VPS8: variants seen among roughly 807,000 people sequenced by gnomAD.
VPS8 encodes the protein VPS8 subunit of CORVET complex, also known as vacuolar protein sorting-associated protein 8 homolog.
VPS8 carries 129 observed loss-of-function variants against 216.4 expected under a neutral mutation model. The ratio of observed to expected loss-of-function variants is 0.60; its 90% CI spans 0.52 to 0.69. VPS8 has a LOEUF of 0.69. Ranked by LOEUF, VPS8 falls within the 30% of genes least tolerant of loss-of-function variation. The pLI is 0.00. For synonymous variants in VPS8, 571 were observed against 565.4 expected (o/e 1.01, Z -0.14); for missense variants, 1,531 against 1,683.5 (o/e 0.91, Z 1.59).
Position 185,049,204 on chromosome 3 carries a change from C to T in VPS8, c.4137+645C>T, listed in dbSNP as rs149675429. ...TTTTATTCCAAAAGACCTTGGGCTA[C>T]AATTCTTGGTCTAATCTAACTGTGG... On this transcript the variant is annotated intron_variant, in intron 47 of 47. Transcript: ENST00000625842. 2.0e-3 allele frequency among the ~76,000 whole-genome samples: 304 copies of T among 152,292 alleles called. 1 individual carries two copies. Among genetic ancestry groups the T allele is most frequent in the African/African-American group, 6.6e-3 (274 of 41,564 alleles).
At position 184,886,114 on chromosome 3, in the gene VPS8, T is replaced by C. The variant is rs768511756; in HGVS notation, c.1739T>C (p.Met580Thr). The change falls in exon 22 of 48, where the codon ATG becomes ACG. Residue 580 changes from methionine to threonine, a missense_variant. This residue lies in a region of VPS8 where 1,318 missense variants were observed against 1,468.4 expected (regional missense o/e 0.90). Transcript: ENST00000625842. ...TTCTTTATGGTTCCTCTACAGGATA[T>C]GGTGCCTGTCATAGTTGATTACTGC... ...IQVMEQHFQD[M>T]VPVIVDYCLL... 1.2e-5 allele frequency: 20 copies of C among 1,609,272 alleles called. No individual in the cohort carries two copies. The highest frequency in any genetic ancestry group is 5.0e-5 in the Admixed American group (3 of 59,442).
At chr3:184,922,107 A>G (rs1310323018) in intron 29 of VPS8, among the ~76,000 whole-genome samples, 1 of 152,152 alleles carries the variant, frequency 6.6e-6, no homozygotes, top group Non-Finnish European at 1.5e-5. Context: ...TGGTGTGTTC[A>G]TAGTTTATGT....
intron 36 of VPS8, among the ~76,000 whole-genome samples, chr3:184,950,918 T>C (rs1192813002): frequency 6.6e-6 from 1 of 152,220 alleles, no homozygotes; most frequent in Non-Finnish European, 1.5e-5. Context: ...TATGGCTGCA[T>C]AGTATTGCAT....
chr3:184,965,199 A>T (rs774211334), intron 38 of VPS8, among the ~76,000 whole-genome samples: 1 of 152,088 alleles, frequency 6.6e-6, no homozygotes, highest in Non-Finnish European at 1.5e-5. Context: ...TAGATTAGGG[A>T]TATCATATTT....
chr3:184,894,507 C>CGT (rs57309344), intron 22 of VPS8, among the ~76,000 whole-genome samples, 196 bp from the exon 23 acceptor site: 20,123 of 91,160 alleles, frequency 0.22, 1,400 homozygotes, highest in African/African-American at 0.27. Flanking sequence ...TATATACACA[C>CGT]GTATATATAT....
At chr3:184,831,703 C>G (rs566869139) in intron 3 of VPS8, among the ~76,000 whole-genome samples, 1 of 152,184 alleles carries the variant, frequency 6.6e-6, no homozygotes, top group East Asian at 1.9e-4. Flanking sequence ...CGTACTCCTA[C>G]TCAACCCCCC....
chr3:184,964,471 A>T lies in VPS8; in HGVS notation c.3187A>T (p.Thr1063Ser). 6.7e-7 allele frequency: 1 copy of T among 1,493,580 alleles called. No homozygotes were observed. Among genetic ancestry groups the T allele is most frequent in the Non-Finnish European group, 9.0e-7 (1 of 1,112,496 alleles). 92.5% of individuals were successfully genotyped at this position (1,493,580 alleles called of 1,614,324 possible). A position where few individuals can be genotyped will look rare whatever the true frequency, so the allele number is the denominator to read the frequency against. The part of the protein sequence containing the change: ...CYRLEETIQI[T>S]QKYQLHEVTA... Reference sequence around the variant, plus strand: ...ATTTATCTTTTTTATTTCCTAGATTACTCAGAAGTATCAACTTCATGAAGT... The same window carrying T: ...ATTTATCTTTTTTATTTCCTAGATTTCTCAGAAGTATCAACTTCATGAAGT... The change falls in exon 38 of 48, where the codon ACT becomes TCT. Residue 1063 changes from threonine to serine, a missense_variant. Coordinates refer to ENST00000625842, the MANE Select transcript of VPS8 (RefSeq NM_001009921.3).
chr3:184,818,789 A>C (rs139956000), intron 1 of VPS8, among the ~76,000 whole-genome samples: 2 of 152,270 alleles, frequency 1.3e-5, no homozygotes, highest in African/African-American at 4.8e-5. Context: ...ATCTCATATG[A>C]CACTTTTAGG....
At chr3:184,848,752 A>G (rs1278444529) in intron 8 of VPS8, among the ~76,000 whole-genome samples, 1 of 151,676 alleles carries the variant, frequency 6.6e-6, no homozygotes, top group Non-Finnish European at 1.5e-5. Flanking sequence ...TATTTTTAGT[A>G]GAGTCGGGGT....
At chr3:185,004,906 TTTTA>T (rs139983815) in intron 45 of VPS8, among the ~76,000 whole-genome samples, 31 of 151,044 alleles carry the variant, frequency 2.1e-4, no homozygotes, top group African/African-American at 7.0e-4. Context: ...TTGTTTTGTT[TTTTA>T]TTTATTTATT....
intron 29 of VPS8, among the ~76,000 whole-genome samples, chr3:184,923,282 TTC>T (rs1417839061): frequency 6.6e-6 from 1 of 152,136 alleles, no homozygotes; most frequent in Admixed American, 6.6e-5. Context: ...CACTTCTGCA[TTC>T]TCTCTGTTAA....
Position 184,936,351 on chromosome 3 carries a change from A to G in VPS8, c.2988+16A>G, listed in dbSNP as rs779893960. ...AAAACTTCAGGTACATATTGCAAAT[A>G]TATATTGGGGAAAAATATCTAGTGG... On this transcript the variant is annotated intron_variant, in intron 35 of 47. Coordinates refer to ENST00000625842, the MANE Select transcript of VPS8 (RefSeq NM_001009921.3). 1.9e-6 allele frequency: 3 copies of G among 1,589,362 alleles called. No homozygotes were observed. The highest frequency in any genetic ancestry group is 2.6e-6 in the Non-Finnish European group (3 of 1,164,726).
At chr3:185,013,348 ACTTCT>A (rs1024623495) in intron 45 of VPS8, among the ~76,000 whole-genome samples, 13 of 152,230 alleles carry the variant, frequency 8.5e-5, no homozygotes, top group Admixed American at 5.2e-4. Context: ...ATGGTGAGCT[ACTTCT>A]CTTAAGAGTC....
chr3:184,904,616 A>G (rs1177411189), intron 25 of VPS8, among the ~76,000 whole-genome samples: 2 of 152,132 alleles, frequency 1.3e-5, no homozygotes, highest in Admixed American at 6.5e-5. Context: ...TTGTGTGTGT[A>G]TGTTCATAAG....
chr3:184,911,942 G>A (rs917781916), intron 25 of VPS8, among the ~76,000 whole-genome samples: 28 of 152,138 alleles, frequency 1.8e-4, no homozygotes, highest in African/African-American at 6.0e-4. Context: ...GTTTGTGTCC[G>A]GCGTAGTGCC....
chr3:184,975,797 A>G (rs186785331), intron 40 of VPS8, among the ~76,000 whole-genome samples: 269 of 152,244 alleles, frequency 1.8e-3, no homozygotes, highest in African/African-American at 6.1e-3. Flanking sequence ...TTCTGAATTG[A>G]TTGAGATGAT....
chr3:185,012,488 C>T (rs1304479932), intron 45 of VPS8, among the ~76,000 whole-genome samples: 3 of 151,188 alleles, frequency 2.0e-5, no homozygotes, highest in Non-Finnish European at 4.4e-5. Context: ...TCCCAAATTT[C>T]ATAGCAAACA....
intron 14 of VPS8, among the ~76,000 whole-genome samples, chr3:184,859,012 A>G (rs1725794600): frequency 6.6e-6 from 1 of 152,164 alleles, no homozygotes; most frequent in South Asian, 2.1e-4. Context: ...CCTGGACACA[A>G]CTGTTTTGGC....
intron 37 of VPS8, among the ~76,000 whole-genome samples, chr3:184,963,683 C>A (rs757225278): frequency 7.9e-5 from 12 of 152,018 alleles, no homozygotes; most frequent in Non-Finnish European, 1.2e-4. Context: ...GACAGTATGA[C>A]TTCTAACCTT....
Sources: gnomAD v4.1 joint callset for allele counts (sites outside exome capture counted in the v4.1 genomes callset) on GRCh38, gnomAD v4.1.1 for gene constraint, gnomAD v4.1.1 regional missense constraint, MANE v1.5 for transcripts, NCBI Gene and HGNC (gene_info 2026-07-23, HGNC 2026-07-21) for gene names.